The following SNX13 variants were observed in gnomAD, a reference collection of about 807,000 sequenced individuals.
The protein encoded by SNX13 is sorting nexin 13, also known as sorting nexin-13.
SNX13 carries 45 observed loss-of-function variants against 133.6 expected under a neutral mutation model. That is an observed-to-expected ratio of 0.34 (90% CI 0.27 to 0.43). The LOEUF (loss-of-function observed/expected upper bound fraction) is 0.43. Ranked by LOEUF, SNX13 falls within the 20% of genes least tolerant of loss-of-function variation. The pLI is 1.00. For missense variants in SNX13, 1,032 were observed against 1,145.1 expected, an observed-to-expected ratio of 0.90 and a Z score of 1.43; for synonymous variants, 414 against 373.9, an observed-to-expected ratio of 1.11 and a Z score of -1.24.
intron 9 of SNX13, among the ~76,000 whole-genome samples, chr7:17,854,246 G>T (rs933297431): frequency 3.3e-5 from 5 of 152,178 alleles, no homozygotes; most frequent in African/African-American, 1.2e-4. Context: ...TTAAAATTAT[G>T]CTACAGCAAG....
At chr7:17,864,691 AG>A (rs1793151350) in intron 9 of SNX13, among the ~76,000 whole-genome samples, 1 of 152,134 alleles carries the variant, frequency 6.6e-6, no homozygotes, top group South Asian at 2.1e-4. Context: ...AATCCAAATA[AG>A]ATGACCAAAG....
intron 12 of SNX13, 146 bp from the exon 13 acceptor site, chr7:17,840,146 A>G (rs1481517552): frequency 5.0e-6 from 3 of 597,036 alleles, no homozygotes; most frequent in Admixed American, 4.2e-5. Context: ...CCCTGAGGTG[A>G]AAATATAGTT....
intron 9 of SNX13, among the ~76,000 whole-genome samples, chr7:17,853,105 C>CAAG (rs1416869098): frequency 6.6e-6 from 1 of 151,844 alleles, no homozygotes; most frequent in African/African-American, 2.4e-5. Context: ...GATTGCAAGG[C>CAAG]AAGAATAAGG....
At chr7:17,823,074 C>T (rs1171326876) in intron 17 of SNX13, among the ~76,000 whole-genome samples, 1 of 152,184 alleles carries the variant, frequency 6.6e-6, no homozygotes, top group African/African-American at 2.4e-5. Flanking sequence ...GGCCTTGGCC[C>T]ATCCTGCCTC....
At chr7:17,845,243 G>A (rs1279285029) in intron 12 of SNX13, among the ~76,000 whole-genome samples, 3 of 152,088 alleles carry the variant, frequency 2.0e-5, no homozygotes, top group Admixed American at 2.0e-4. Flanking sequence ...TAAAACCTGA[G>A]GGCATATCCA....
At chr7:17,908,913 C>T (rs946138244) in intron 1 of SNX13, among the ~76,000 whole-genome samples, 2 of 152,054 alleles carry the variant, frequency 1.3e-5, no homozygotes, top group Admixed American at 1.3e-4. Flanking sequence ...GAAAATGCGA[C>T]ACCTAAGATT....
At chr7:17,908,865 A>C (rs931954072) in intron 1 of SNX13, among the ~76,000 whole-genome samples, 4 of 152,192 alleles carry the variant, frequency 2.6e-5, no homozygotes, top group African/African-American at 9.7e-5. Context: ...TCAGCTAGAA[A>C]GGGTGGGGCA....
intron 1 of SNX13, among the ~76,000 whole-genome samples, chr7:17,924,653 T>C (rs1562532072): frequency 1.3e-5 from 2 of 152,184 alleles, no homozygotes; most frequent in Admixed American, 1.3e-4. Flanking sequence ...CAAAAAACAC[T>C]GTGGAAACAC....
intron 7 of SNX13, among the ~76,000 whole-genome samples, chr7:17,873,820 T>A (rs1794391787): frequency 6.6e-6 from 1 of 152,240 alleles, no homozygotes; most frequent in African/African-American, 2.4e-5. Context: ...CAACTTAATT[T>A]TTTTTAATTT....
chr7:17,901,056 C>A (rs1797780315), intron 1 of SNX13, among the ~76,000 whole-genome samples: 1 of 152,122 alleles, frequency 6.6e-6, no homozygotes, highest in Admixed American at 6.5e-5. Flanking sequence ...GGACTAGGTC[C>A]TTCCCTTCAA....
At chr7:17,853,576 G>C (rs1017607045) in intron 9 of SNX13, among the ~76,000 whole-genome samples, 1 of 152,174 alleles carries the variant, frequency 6.6e-6, no homozygotes, top group Non-Finnish European at 1.5e-5. Context: ...CTACATCAAT[G>C]AAATATCCTT....
chr7:17,891,859 T>C (rs1562479734), intron 3 of SNX13, among the ~76,000 whole-genome samples: 2 of 152,050 alleles, frequency 1.3e-5, no homozygotes, highest in Non-Finnish European at 2.9e-5. Flanking sequence ...GCAAAAATTA[T>C]TTAGAATGTG....
At chr7:17,846,502 T>C (rs1182630553) in intron 11 of SNX13, among the ~76,000 whole-genome samples, 1 of 152,194 alleles carries the variant, frequency 6.6e-6, no homozygotes, top group African/African-American at 2.4e-5. Flanking sequence ...TTTCCATGAA[T>C]TATTTATTTT....
chr7:17,936,747 G>A (rs944087445), intron 1 of SNX13, among the ~76,000 whole-genome samples: 11 of 151,352 alleles, frequency 7.3e-5, no homozygotes, highest in East Asian at 3.9e-4. Context: ...GTGAAAACTC[G>A]GATTAATTAA....
At chr7:17,901,617 C>T (rs185956447) in intron 1 of SNX13, among the ~76,000 whole-genome samples, 14 of 152,308 alleles carry the variant, frequency 9.2e-5, no homozygotes, top group Admixed American at 9.2e-4. Context: ...GTCCCATAAT[C>T]ACTGTGCTCT....
intron 20 of SNX13, among the ~76,000 whole-genome samples, chr7:17,812,976 G>C (rs1786223532): frequency 6.6e-6 from 1 of 152,122 alleles, no homozygotes; most frequent in African/African-American, 2.4e-5. Flanking sequence ...GGGGGTTGAG[G>C]GCTAGGGGAG....
At position 17,846,146 on chromosome 7, in the gene SNX13, CTAAT is replaced by C. The variant is rs1473094743; in HGVS notation, c.1066-456_1066-453del. 5.3e-5 allele frequency among the ~76,000 whole-genome samples: 8 copies of C among 151,672 alleles called. No homozygotes were observed. In the East Asian group the frequency reaches 1.5e-3, roughly 29 times the overall value. On this transcript the variant is annotated intron_variant, in intron 11 of 25. Transcript: ENST00000428135. ...TTTTGCTCCTAACTCAGTAAAATCT[CTAAT>C]TATTAGATAAAATGTGTTTTTTTTC...
At chr7:17,915,694 A>G (rs576872488) in intron 1 of SNX13, among the ~76,000 whole-genome samples, 2 of 152,314 alleles carry the variant, frequency 1.3e-5, no homozygotes, top group South Asian at 4.1e-4. Context: ...AGAGTTAGAC[A>G]GTCACACAAT....
chr7:17,831,079 C>T (rs1390462357), intron 15 of SNX13: 1 of 984,444 alleles, frequency 1.0e-6, no homozygotes, highest in South Asian at 4.7e-5. Context: ...CCTACCTCTT[C>T]TGTAGTGTGC....
Sources: allele counts gnomAD v4.1 joint callset (sites outside exome capture counted in the v4.1 genomes callset), GRCh38; gene constraint gnomAD v4.1.1; transcripts MANE v1.5; gene names NCBI Gene and HGNC (gene_info 2026-07-23, HGNC 2026-07-21).